The following NELFA variants were observed in gnomAD, a reference collection of about 807,000 sequenced individuals.
NELFA encodes the protein negative elongation factor complex member A.
Under a neutral mutation model 51.8 loss-of-function variants are expected in NELFA, and 35 were observed. That is an observed-to-expected ratio of 0.68 (90% CI 0.52 to 0.90). The LOEUF (loss-of-function observed/expected upper bound fraction) is 0.90, where lower values mean the gene tolerates loss of function less well. Among genes scored for constraint, NELFA ranks in the 40% least tolerant of loss-of-function variants. NELFA has a pLI of 0.00. For missense variants in NELFA, 658 were observed against 746.4 expected, an observed-to-expected ratio of 0.88 and a Z score of 1.38; for synonymous variants, 417 against 338.4, an observed-to-expected ratio of 1.23 and a Z score of -2.55.
chr4:1,990,958 G>A lies in NELFA; in HGVS notation c.382+586C>T, dbSNP rs529539772. ...TGGGAGGACAGGCATGTGCCATCAC[G>A]CCCACCTAATTTTTATTTTTTGTAC... On this transcript the variant is annotated intron_variant, in intron 2 of 10. Coordinates refer to ENST00000382882, the MANE Select transcript of NELFA (RefSeq NM_005663.5). Among the ~76,000 whole-genome samples, 14 of 152,202 alleles carry A rather than the reference G, an allele frequency of 9.2e-5. No homozygotes were observed. In the South Asian group the frequency reaches 1.5e-3, roughly 16 times the overall value.
rs1318741248 is a variant in NELFA at position 1,983,401 on chromosome 4, A to G, written c.1505T>C (p.Val502Ala). ...ATAGTTCATCTCAAACACTGTGTCC[A>G]CCAGCATGGTTGTGCTACCCTGGCC... Reference protein sequence around the residue: ...ADGQGSTTMLVDTVFEMNYAT... With the variant: ...ADGQGSTTMLADTVFEMNYAT... Residue 502 changes from valine (V) to alanine (A), a missense_variant, in exon 11 of 11, where the codon GTG (valine) becomes GCG (alanine). By Grantham distance (64) the Val-to-Ala change is moderately conservative (BLOSUM62 0). This residue lies in a region of NELFA where 87 missense variants were observed against 130.2 expected (regional missense o/e 0.67). Transcript: ENST00000382882. The G allele has an allele frequency of 6.2e-7, 1 of 1,614,058 alleles. No individual in the cohort carries two copies. Among genetic ancestry groups the G allele is most frequent in the Admixed American group, 1.7e-5 (1 of 60,004 alleles).
rs1728274499 is a variant in NELFA at position 1,991,718 on chromosome 4, G to A, written c.211-3C>T. 6 of 1,587,318 alleles carry A rather than the reference G, an allele frequency of 3.8e-6. No homozygotes were observed. The highest frequency in any genetic ancestry group is 5.1e-6 in the Non-Finnish European group (6 of 1,168,106). On this transcript the variant is annotated splice_polypyrimidine_tract_variant and splice_region_variant and intron_variant, in intron 1 of 10. Coordinates refer to ENST00000382882, the MANE Select transcript of NELFA (RefSeq NM_005663.5). Reference sequence around the variant, plus strand: ...ATCTCCATTAGGGCGCCCTTCATCTGCAAAATAGGATGCTGCCGGCGCCAC... The same window carrying A: ...ATCTCCATTAGGGCGCCCTTCATCTACAAAATAGGATGCTGCCGGCGCCAC...
chr4:2,008,006 A>G (rs756857063), intron 1 of NELFA: 2 of 457,012 alleles, frequency 4.4e-6, no homozygotes, highest in South Asian at 3.1e-5. Flanking sequence ...GGCGTGTAGA[A>G]AAGAGTAAAA....
At chr4:1,988,110 T>C (rs1728164842) in intron 3 of NELFA, 103 bp from the exon 4 acceptor site, 1 of 946,174 alleles carries the variant, frequency 1.1e-6, no homozygotes, top group Non-Finnish European at 1.6e-6. Context: ...GCCTGAGCCG[T>C]GAACGCTGCA....
intron 1 of NELFA, among the ~76,000 whole-genome samples, chr4:2,002,269 A>G (rs1728603126): frequency 6.6e-6 from 1 of 152,230 alleles, no homozygotes; most frequent in Non-Finnish European, 1.5e-5. Flanking sequence ...ATCCTCGTGG[A>G]TAGGAAGAAT....
At chr4:1,994,535 A>C (rs1728369907) in intron 1 of NELFA, among the ~76,000 whole-genome samples, 1 of 151,730 alleles carries the variant, frequency 6.6e-6, no homozygotes, top group Non-Finnish European at 1.5e-5. Flanking sequence ...ACTGTACTCC[A>C]GCCTGGGCAA....
chr4:1,992,577 C>G (rs374139721), intron 1 of NELFA: 1 of 268,494 alleles, frequency 3.7e-6, no homozygotes, highest in African/African-American at 2.3e-5. Context: ...CAACAGCGCC[C>G]TGCCCTGTCC....
chr4:1,997,611 G>A (rs1205715593), intron 1 of NELFA, among the ~76,000 whole-genome samples: 2 of 152,214 alleles, frequency 1.3e-5, no homozygotes, highest in African/African-American at 4.8e-5. Flanking sequence ...ACAAATGTTG[G>A]CAAGGATGTG....
At chr4:2,002,131 C>T (rs1347687452) in intron 1 of NELFA, among the ~76,000 whole-genome samples, 6 of 151,676 alleles carry the variant, frequency 4.0e-5, no homozygotes, top group African/African-American at 4.9e-5. Context: ...ACCCGGGAGG[C>T]GGAGCTTGCA....
chr4:2,008,783 C>A lies in NELFA; in HGVS notation c.177G>T (p.Gly59=). ...SSAVKLKLLL[G]TLHLPRRTVD... ...CCGTGCGGCGCGGGAGGTGCAGCGT[C>A]CCGAGTAGCAACTTGAGCTTCACTG... Residue 59 remains glycine (G), a synonymous_variant, in exon 1 of 11, where the codon GGG becomes GGT. Coordinates refer to ENST00000382882, the MANE Select transcript of NELFA (RefSeq NM_005663.5). 1 of 1,612,316 alleles carries A rather than the reference C, an allele frequency of 6.2e-7. No homozygotes were observed. Among genetic ancestry groups the A allele is most frequent in the Non-Finnish European group, 8.5e-7 (1 of 1,179,448 alleles).
intron 1 of NELFA, among the ~76,000 whole-genome samples, chr4:1,997,778 G>C (rs543435834): frequency 1.3e-5 from 2 of 152,268 alleles, no homozygotes; most frequent in South Asian, 4.1e-4. Context: ...TCCATCATGG[G>C]ACAAAGTGCT....
rs1183357881 is a variant in NELFA, at chr4:2,008,940, C to T, written c.20G>A (p.Ser7Asn). Reference protein sequence around the residue: MASMRESDTGLWLHNKL... With the variant: MASMRENDTGLWLHNKL... ...GTTGTGCAGCCACAGGCCCGTGTCG[C>T]TCTCCCGCATGGACGCCATCTTGGG... is the stretch of plus-strand genomic sequence containing the variant. The change falls in exon 1 of 11, where the codon AGC becomes AAC. Residue 7 changes from serine to asparagine, a missense_variant. By Grantham distance (46) the Ser-to-Asn change is conservative. Coordinates refer to ENST00000382882, the MANE Select transcript of NELFA (RefSeq NM_005663.5). 1 of 1,565,126 alleles carries T rather than the reference C, an allele frequency of 6.4e-7. No homozygotes were observed. The highest frequency in any genetic ancestry group is 1.2e-5 in the South Asian group (1 of 85,192).
intron 1 of NELFA, among the ~76,000 whole-genome samples, chr4:2,006,768 CA>C (rs57055347): frequency 1.4e-3 from 110 of 79,752 alleles, no homozygotes; most frequent in African/African-American, 4.7e-3. Flanking sequence ...GACGCTGTCT[CA>C]AAAAAAAAAA....
rs577235055 is a variant in NELFA, at chr4:1,984,659, G to A, written c.1036+149C>T. 4 of 616,102 alleles carry A rather than the reference G, an allele frequency of 6.5e-6. No individual in the cohort carries two copies. The South Asian group carries it at 8.0e-5, about 12-fold the overall frequency. The allele number at this position is 616,102 out of a possible 1,614,324, so 38.2% of individuals were successfully genotyped here. On this transcript the variant is annotated intron_variant, in intron 8 of 10. Transcript: ENST00000382882. The stretch of plus-strand genomic sequence containing the variant: ...GTCTTGGAGCTCAAGCTGAACAGCG[G>A]GGCATCTGCCCCCAGCAGATTCTGG...
chr4:1,997,076 G>C (rs1728446276), intron 1 of NELFA, among the ~76,000 whole-genome samples: 1 of 152,024 alleles, frequency 6.6e-6, no homozygotes, highest in African/African-American at 2.4e-5. Flanking sequence ...TCACATCACT[G>C]CCACTCCAGC....
Position 1,984,096 on chromosome 4 carries a change from C to T in NELFA, c.1054G>A (p.Ala352Thr), listed in dbSNP as rs560176443. Residue 352 changes from alanine to threonine, a missense_variant, in exon 9 of 11, where the codon GCC becomes ACC. Ala to Thr is a moderately conservative substitution (Grantham distance 58). This residue lies in a region of NELFA where 200 missense variants were observed against 167.9 expected (regional missense o/e 1.19). Transcript: ENST00000382882. ...CTGGGCTCCTCTGGTGGGCGGCTGGCTTCCCGGGAAGATGGGGCTGCAAGT... is the reference window on the plus strand; with the variant it reads ...CTGGGCTCCTCTGGTGGGCGGCTGGTTTCCCGGGAAGATGGGGCTGCAAGT... ...ETPPAPSSRE[A>T]SRPPEEPSAP... 4.4e-6 allele frequency: 7 copies of T among 1,573,304 alleles called. No individual in the cohort carries two copies. The South Asian group carries it at 8.0e-5, about 18-fold the overall frequency.
In NELFA at chr4:2,007,107, G is replaced by A. The variant is rs1430637478; in HGVS notation, c.210+1643C>T. On this transcript the variant is annotated intron_variant, in intron 1 of 10. Coordinates refer to ENST00000382882, the MANE Select transcript of NELFA (RefSeq NM_005663.5). ...ACCCTGTAGTCCCAGCTACTCAGGA[G>A]GCTGAGATGGGAAGATCTGAGGTGA... 5 of 421,604 alleles carry A rather than the reference G, an allele frequency of 1.2e-5. No individual in the cohort carries two copies. The East Asian group carries it at 4.1e-4, about 34-fold the overall frequency. 26.1% of individuals were successfully genotyped at this position (421,604 alleles called of 1,614,324 possible).
intron 9 of NELFA, 30 bp from the exon 10 acceptor site, chr4:1,983,725 G>T: frequency 6.2e-7 from 1 of 1,611,434 alleles, no homozygotes; most frequent in Non-Finnish European, 8.5e-7. Flanking sequence ...GTGGGTGCCA[G>T]GGCCCCGCCA....
At chr4:1,988,106 G>T in intron 3 of NELFA, 99 bp from the exon 4 acceptor site, 1 of 980,924 alleles carries the variant, frequency 1.0e-6, no homozygotes, top group Non-Finnish European at 1.5e-6. Context: ...GACGGCCTGA[G>T]CCGTGAACGC....
Sources: gnomAD v4.1 joint callset for allele counts (sites outside exome capture counted in the v4.1 genomes callset) on GRCh38, gnomAD v4.1.1 for gene constraint, gnomAD v4.1.1 regional missense constraint, MANE v1.5 for transcripts, NCBI Gene and HGNC (gene_info 2026-07-23, HGNC 2026-07-21) for gene names.